TIAM2: variants seen among roughly 807,000 people sequenced by gnomAD.
TIAM2 encodes the protein TIAM Rac1 associated GEF 2, also known as rho guanine nucleotide exchange factor TIAM2.
Under a neutral mutation model 152.9 loss-of-function variants are expected in TIAM2, and 80 were observed. The observed-to-expected ratio is 0.52, with a 90% CI of 0.44 to 0.63. TIAM2 has a LOEUF of 0.63. TIAM2 is among the 30% of genes least tolerant of loss of function. The pLI is 0.00. For synonymous variants in TIAM2, 804 were observed against 838.0 expected (o/e 0.96, Z 0.70); for missense variants, 1,965 against 2,120.1 (o/e 0.93, Z 1.44).
chr6:155,130,393 C>T lies in TIAM2; in HGVS notation c.1170C>T (p.Leu390=). 1 of 1,613,642 alleles carries T rather than the reference C, an allele frequency of 6.2e-7. No individual in the cohort carries two copies. Among genetic ancestry groups the T allele is most frequent in the Non-Finnish European group, 8.5e-7 (1 of 1,179,946 alleles). ...GGATCAGTGACTGGACGGGAAGCCTCTCAAGGAAGAAAAGGAAACTCCAGG... is the reference window on the plus strand; with the variant it reads ...GGATCAGTGACTGGACGGGAAGCCTTTCAAGGAAGAAAAGGAAACTCCAGG... ...MRRISDWTGS[L]SRKKRKLQEP... Residue 390 remains leucine (L), a synonymous_variant, in exon 4 of 27, where the codon CTC becomes CTT. Coordinates refer to ENST00000682666, the MANE Select transcript of TIAM2 (RefSeq NM_012454.4).
rs142930598 is a variant in TIAM2 at position 155,218,732 on chromosome 6, A to G, written c.3168+7425A>G. 2.0e-5 allele frequency among the ~76,000 whole-genome samples: 3 copies of G among 152,324 alleles called. No individual in the cohort carries two copies. The highest frequency in any genetic ancestry group is 7.2e-5 in the African/African-American group (3 of 41,568). On this transcript the variant is annotated intron_variant, in intron 15 of 26. Coordinates refer to ENST00000682666, the MANE Select transcript of TIAM2 (RefSeq NM_012454.4). The surrounding 1 kb of genome is among the most constrained non-coding windows in gnomAD (Gnocchi z 4.5). ...AGCTGAGATTCGATGTCAGGTAGGAAACTGAACAAATAGATGAGCACCTCA... is the reference window on the plus strand; with the variant it reads ...AGCTGAGATTCGATGTCAGGTAGGAGACTGAACAAATAGATGAGCACCTCA...
rs529360218 is a variant in TIAM2, at chr6:155,154,789, A to C, written c.2028+6455A>C. 5.9e-5 allele frequency among the ~76,000 whole-genome samples: 9 copies of C among 152,256 alleles called. No individual in the cohort carries two copies. The South Asian group carries it at 1.9e-3, about 32-fold the overall frequency. Reference sequence around the variant, plus strand: ...CAGGGGTTGCTGTGGGGAAGGAGGAAGCACTTGCTGGTAGGGTTCAGACTG... The same window carrying C: ...CAGGGGTTGCTGTGGGGAAGGAGGACGCACTTGCTGGTAGGGTTCAGACTG... On this transcript the variant is annotated intron_variant, in intron 7 of 26. Transcript: ENST00000682666.
At position 155,166,415 on chromosome 6, in the gene TIAM2, C is replaced by T. The variant is rs147936030; in HGVS notation, c.2361+1006C>T. Among the ~76,000 whole-genome samples, 310 of 151,936 alleles carry T rather than the reference C, an allele frequency of 2.0e-3. 3 individuals are homozygous for T. The highest frequency in any genetic ancestry group is 0.02 in the East Asian group (102 of 5,180). On this transcript the variant is annotated intron_variant, in intron 9 of 26. Coordinates refer to ENST00000682666, the MANE Select transcript of TIAM2 (RefSeq NM_012454.4). ...CTTGGCTCGCCGCAACCTCTGCCTC[C>T]TGGGTTCAAGTGATTATCCTGCCTC...
chr6:155,146,913 G>T (rs938064759), intron 6 of TIAM2, among the ~76,000 whole-genome samples: 1 of 151,790 alleles, frequency 6.6e-6, no homozygotes, highest in Non-Finnish European at 1.5e-5. Flanking sequence ...GAGCCACCAC[G>T]CCTGTCCTAT....
At chr6:155,146,907 C>T (rs560963481) in intron 6 of TIAM2, among the ~76,000 whole-genome samples, 24 of 152,094 alleles carry the variant, frequency 1.6e-4, no homozygotes, top group African/African-American at 5.8e-4. Context: ...AGGCGTGAGC[C>T]ACCACGCCTG....
chr6:155,132,418 G>A (rs757256905), intron 4 of TIAM2, among the ~76,000 whole-genome samples: 6 of 151,546 alleles, frequency 4.0e-5, no homozygotes, highest in Admixed American at 1.3e-4. Context: ...GCTGGGCTTC[G>A]GTTCTCCCTC....
At chr6:154,997,183 C>G (rs1468208291) in intron 1 of TIAM2, among the ~76,000 whole-genome samples, 1 of 150,820 alleles carries the variant, frequency 6.6e-6, no homozygotes, top group Non-Finnish European at 1.5e-5. Context: ...TTACACTGTT[C>G]TTACTCCTCT....
At chr6:155,111,096 A>G (rs1778836187) in intron 2 of TIAM2, among the ~76,000 whole-genome samples, 1 of 152,184 alleles carries the variant, frequency 6.6e-6, no homozygotes, top group African/African-American at 2.4e-5. Context: ...AAAGGCAATG[A>G]GAAGAAACCA....
intron 1 of TIAM2, among the ~76,000 whole-genome samples, chr6:155,011,118 T>C (rs893935349): frequency 6.6e-6 from 1 of 151,910 alleles, no homozygotes; most frequent in Non-Finnish European, 1.5e-5. Flanking sequence ...CTCTGTAACA[T>C]GGAATGACCA....
At chr6:155,111,304 C>A (rs1204281603) in intron 2 of TIAM2, among the ~76,000 whole-genome samples, 1 of 58,182 alleles carries the variant, frequency 1.7e-5, no homozygotes, top group African/African-American at 9.6e-5. Flanking sequence ...GGAATACACA[C>A]ACACACACAC....
intron 15 of TIAM2, among the ~76,000 whole-genome samples, chr6:155,220,385 G>C (rs1190803940): frequency 6.6e-6 from 1 of 152,206 alleles, no homozygotes; most frequent in Non-Finnish European, 1.5e-5. Flanking sequence ...TATCATGCAA[G>C]GCAGGGGGAC....
intron 6 of TIAM2, among the ~76,000 whole-genome samples, chr6:155,145,547 A>G (rs1476169766): frequency 6.6e-6 from 1 of 152,210 alleles, no homozygotes; most frequent in African/African-American, 2.4e-5. Context: ...GGTGATTAAT[A>G]TTAATTCAGA....
chr6:155,062,102 G>A (rs1445184556), intron 1 of TIAM2, among the ~76,000 whole-genome samples: 5 of 22,028 alleles, frequency 2.3e-4, no homozygotes, highest in East Asian at 1.6e-3. Flanking sequence ...CACCGCCCCC[G>A]CGCACCACCC....
intron 2 of TIAM2, among the ~76,000 whole-genome samples, chr6:155,099,920 T>C (rs1425888681): frequency 6.6e-6 from 1 of 152,250 alleles, no homozygotes; most frequent in Non-Finnish European, 1.5e-5. Flanking sequence ...GGCATGTGAC[T>C]GTAGTGAATA....
chr6:155,163,322 C>T (rs1006071584), intron 7 of TIAM2, among the ~76,000 whole-genome samples: 2 of 152,208 alleles, frequency 1.3e-5, no homozygotes, highest in South Asian at 2.1e-4. Flanking sequence ...TCTCGTTCTT[C>T]TGCTGAGTCC....
rs544652811 is a variant in TIAM2 at position 155,213,202 on chromosome 6, C to A, written c.3168+1895C>A. Among the ~76,000 whole-genome samples, 11 of 152,266 alleles carry A rather than the reference C, an allele frequency of 7.2e-5. No homozygotes were observed. The South Asian group carries it at 2.3e-3, about 32-fold the overall frequency. On this transcript the variant is annotated intron_variant, in intron 15 of 26. Transcript: ENST00000682666. This position sits in a 1 kb window ranked among gnomAD's most constrained non-coding sequence, Gnocchi z 4.2. ...AGGTCCCGAATTCTTGTCCCATGAC[C>A]AGGAAGAAGGAGGTATGCGGGCAAG...
Position 155,254,506 on chromosome 6 carries a change from A to G in TIAM2, c.4401A>G (p.Pro1467=), listed in dbSNP as rs778301855. 8 of 1,614,162 alleles carry G rather than the reference A, an allele frequency of 5.0e-6. No individual in the cohort carries two copies. The highest frequency in any genetic ancestry group is 6.8e-6 in the Non-Finnish European group (8 of 1,179,996). The change falls in exon 26 of 27, where the codon CCA becomes CCG. Residue 1467 remains proline (P), a synonymous_variant. Coordinates refer to ENST00000682666, the MANE Select transcript of TIAM2 (RefSeq NM_012454.4). ...GGCGTCACATAAAGTGTGAATTACCACTGGAGAAAACGTGTAAGGATCGCC... is the reference window on the plus strand; with the variant it reads ...GGCGTCACATAAAGTGTGAATTACCGCTGGAGAAAACGTGTAAGGATCGCC... ...NFRRHIKCEL[P]LEKTCKDRLV... is the part of the protein sequence containing the mutation.
intron 15 of TIAM2, among the ~76,000 whole-genome samples, chr6:155,235,007 GGAGCACAGCTAGAGACA>G (rs1394933795): frequency 4.2e-5 from 5 of 118,062 alleles, no homozygotes; most frequent in Admixed American, 3.9e-4. Flanking sequence ...AGCTAGAGAT[GGAGCACAGCTAGAGACA>G]GAGCACAGCT....
chr6:155,055,901 A>G (rs1434402423), intron 1 of TIAM2, among the ~76,000 whole-genome samples: 1 of 152,032 alleles, frequency 6.6e-6, no homozygotes, highest in South Asian at 2.1e-4. Context: ...GTTTGAGGCT[A>G]TATTGAGATG....
Sources: gnomAD v4.1 joint callset for allele counts (sites outside exome capture counted in the v4.1 genomes callset) on GRCh38, gnomAD v4.1.1 for gene constraint, Gnocchi (gnomAD v3.1) non-coding constraint, MANE v1.5 for transcripts, NCBI Gene and HGNC (gene_info 2026-07-23, HGNC 2026-07-21) for gene names.